The following INPP5F variants were observed in gnomAD, a reference collection of about 807,000 sequenced individuals.
The protein encoded by INPP5F is inositol polyphosphate-5-phosphatase F, also known as phosphatidylinositide 4-phosphatase SAC2.
In INPP5F, 97 loss-of-function variants were observed where a neutral mutation model predicts 137.2. That is an observed-to-expected ratio of 0.71 (90% CI 0.60 to 0.84). The LOEUF is 0.84. Among genes scored for constraint, INPP5F ranks in the 40% least tolerant of loss-of-function variants. The probability of loss-of-function intolerance (pLI) is 0.00; values close to 1 mark genes in which losing one functional copy is unlikely to be tolerated. For missense variants in INPP5F, 1,271 were observed against 1,371.9 expected, an observed-to-expected ratio of 0.93 and a Z score of 1.16; for synonymous variants, 504 against 476.9, an observed-to-expected ratio of 1.06 and a Z score of -0.74.
At chr10:119,738,222 T>C (rs1795009641) in intron 1 of INPP5F, among the ~76,000 whole-genome samples, 2 of 152,264 alleles carry the variant, frequency 1.3e-5, no homozygotes, top group African/African-American at 4.8e-5. Context: ...CACTAAAATT[T>C]GGCATTATTT....
At chr10:119,767,711 G>T (rs1359569418) in intron 2 of INPP5F, among the ~76,000 whole-genome samples, 1 of 152,176 alleles carries the variant, frequency 6.6e-6, no homozygotes, top group African/African-American at 2.4e-5. Flanking sequence ...GAAAGTAAAA[G>T]CATAGAAACT....
chr10:119,801,657 T>C (rs1022477712), intron 9 of INPP5F, among the ~76,000 whole-genome samples: 3 of 152,134 alleles, frequency 2.0e-5, no homozygotes. Context: ...GGAGAATCAC[T>C]TGAGCCCAGC....
chr10:119,823,949 T>TC, intron 19 of INPP5F, 47 bp downstream of exon 19: 1 of 1,403,926 alleles, frequency 7.1e-7, no homozygotes, highest in South Asian at 1.2e-5. Context: ...TTATCCAAGG[T>TC]CTTATTTGTT....
At chr10:119,756,533 G>A (rs1226094920) in intron 2 of INPP5F, among the ~76,000 whole-genome samples, 1 of 151,854 alleles carries the variant, frequency 6.6e-6, no homozygotes, top group Admixed American at 6.6e-5. Flanking sequence ...CTACCCGGGA[G>A]GTTGAGGCAG....
Position 119,805,255 on chromosome 10 carries a change from T to C in INPP5F, c.1242-129T>C, listed in dbSNP as rs534956413. ...ATTGCCTATATAATATATAGTAGTA[T>C]TAACCTCATATATGTACAGCAACAA... On this transcript the variant is annotated intron_variant, in intron 10 of 19. Coordinates refer to ENST00000650623, the MANE Select transcript of INPP5F (RefSeq NM_014937.4). 2.5e-5 allele frequency: 16 copies of C among 646,862 alleles called. No homozygotes were observed. The South Asian group carries it at 2.9e-4, about 12-fold the overall frequency. The allele number at this position is 646,862 out of a possible 1,614,324, so 40.1% of individuals were successfully genotyped here.
intron 1 of INPP5F, among the ~76,000 whole-genome samples, chr10:119,732,500 C>CTTTTTTTTTTTTTTTTTTTTTTTT (rs59388357): frequency 3.5e-5 from 4 of 115,568 alleles, no homozygotes; most frequent in East Asian, 2.6e-4. Flanking sequence ...TTTCTTTTTT[C>CTTTTTTTTTTTTTTTTTTTTTTTT]TTTTTTTTTT....
chr10:119,793,832 A>G (rs1281546506), intron 6 of INPP5F, among the ~76,000 whole-genome samples: 3 of 151,912 alleles, frequency 2.0e-5, no homozygotes, highest in Non-Finnish European at 1.5e-5. Context: ...TTTAGTAGAG[A>G]CGGGGTTTCA....
At chr10:119,798,451 A>G in intron 8 of INPP5F, 92 bp from the exon 9 acceptor site, 1 of 832,698 alleles carries the variant, frequency 1.2e-6, no homozygotes. Context: ...GGCTGTCAAT[A>G]AATTATTTAA....
At chr10:119,789,548 A>G (rs1307524562) in intron 3 of INPP5F, among the ~76,000 whole-genome samples, 2 of 151,990 alleles carry the variant, frequency 1.3e-5, no homozygotes, top group Admixed American at 6.6e-5. Flanking sequence ...GAAAGCTCCA[A>G]TGGCAGCTAC....
At chr10:119,807,581 C>T (rs1279675914) in intron 12 of INPP5F, among the ~76,000 whole-genome samples, 1 of 152,216 alleles carries the variant, frequency 6.6e-6, no homozygotes, top group African/African-American at 2.4e-5. Context: ...TTAACATTTA[C>T]TAGGCACTTA....
intron 1 of INPP5F, among the ~76,000 whole-genome samples, chr10:119,746,134 A>T (rs1848525224): frequency 1.3e-5 from 2 of 152,088 alleles, no homozygotes; most frequent in African/African-American, 4.8e-5. Context: ...TTTTTGTATC[A>T]TCTTAACGTG....
Position 119,827,417 on chromosome 10 carries a change from G to A in INPP5F, c.3036G>A (p.Ser1012=), listed in dbSNP as rs563867547. The part of the protein sequence containing the change: ...ESTEQTPSRP[S]QLDVSLSATG... The stretch of plus-strand genomic sequence containing the variant: ...CAGAACAGACACCTTCTCGGCCATC[G>A]CAATTAGATGTCTCTCTTTCTGCAA... Residue 1012 remains serine (S), a synonymous_variant, in exon 20 of 20, where the codon TCG becomes TCA. Transcript: ENST00000650623. 2.1e-5 allele frequency: 34 copies of A among 1,614,170 alleles called. No homozygotes were observed. The South Asian group carries it at 3.1e-4, about 15-fold the overall frequency.
At chr10:119,789,696 G>C (rs1850068129) in intron 3 of INPP5F, among the ~76,000 whole-genome samples, 1 of 152,002 alleles carries the variant, frequency 6.6e-6, no homozygotes, top group African/African-American at 2.4e-5. Flanking sequence ...TTTTGGGAGA[G>C]AGCTGGGCTC....
chr10:119,806,431 G>A lies in INPP5F; in HGVS notation c.1391G>A (p.Arg464His), dbSNP rs1850788980. Residue 464 changes from arginine (R) to histidine (H), a missense_variant, in exon 12 of 20, where the codon CGC becomes CAC. Around this residue, in one of 6 missense-constraint regions of INPP5F, gnomAD observed 593 missense variants for 712.4 expected, o/e 0.83. Coordinates refer to ENST00000650623, the MANE Select transcript of INPP5F (RefSeq NM_014937.4). ...GTTAATTGTATGGACTGCCTGGATC[G>A]CACCAACGTGGTCCAAGCTGCCATC... is the stretch of plus-strand genomic sequence containing the variant. Reference protein sequence around the residue: ...FRVNCMDCLDRTNVVQAAIAR... With the variant: ...FRVNCMDCLDHTNVVQAAIAR... 1.2e-6 allele frequency: 2 copies of A among 1,609,436 alleles called. No homozygotes were observed. The highest frequency in any genetic ancestry group is 1.7e-6 in the Non-Finnish European group (2 of 1,177,976).
chr10:119,791,508 C>T lies in INPP5F; in HGVS notation c.316-9C>T. On this transcript the variant is annotated splice_polypyrimidine_tract_variant and intron_variant, in intron 3 of 19. Transcript: ENST00000650623. Reference sequence around the variant, plus strand: ...AGTAATAACAAATCATCTTTCTCTTCCTATTTAGCTCTGTAAGAAGCATCA... The same window carrying T: ...AGTAATAACAAATCATCTTTCTCTTTCTATTTAGCTCTGTAAGAAGCATCA... The T allele has an allele frequency of 6.3e-7, 1 of 1,584,826 alleles. No homozygotes were observed. Among genetic ancestry groups the T allele is most frequent in the Non-Finnish European group, 8.6e-7 (1 of 1,162,374 alleles).
At chr10:119,768,381 G>GTTTGACATCC (rs1849237788) in intron 2 of INPP5F, 2 of 152,278 alleles carry the variant, frequency 1.3e-5, no homozygotes, top group South Asian at 4.1e-4. Context: ...AAATACGGCA[G>GTTTGACATCC]CCTCTTGGGA....
At chr10:119,776,763 T>C (rs191191359) in intron 2 of INPP5F, among the ~76,000 whole-genome samples, 1,699 of 152,016 alleles carry the variant, frequency 0.011, 20 homozygotes, top group Non-Finnish European at 0.016. Flanking sequence ...GTTTATTTTT[T>C]TTTTAGAGAC....
intron 2 of INPP5F, among the ~76,000 whole-genome samples, chr10:119,778,179 G>T (rs1016078223): frequency 4.6e-5 from 7 of 151,704 alleles, no homozygotes; most frequent in Non-Finnish European, 1.0e-4. Context: ...GCTAATTTTT[G>T]TTATTTTTAG....
chr10:119,754,588 T>C (rs1848781655), intron 2 of INPP5F, among the ~76,000 whole-genome samples: 1 of 152,146 alleles, frequency 6.6e-6, no homozygotes, highest in South Asian at 2.1e-4. Flanking sequence ...TCCTAATCCT[T>C]GGACATTTTT....
Sources: gnomAD v4.1 joint callset for allele counts (sites outside exome capture counted in the v4.1 genomes callset) on GRCh38, gnomAD v4.1.1 for gene constraint, gnomAD v4.1.1 regional missense constraint, MANE v1.5 for transcripts, NCBI Gene and HGNC (gene_info 2026-07-23, HGNC 2026-07-21) for gene names.